RASA1: variants seen among roughly 807,000 people sequenced by gnomAD.
The protein encoded by RASA1 is ras GTPase-activating protein 1.
RASA1 carries 25 observed loss-of-function variants against 132.2 expected under a neutral mutation model. The ratio of observed to expected loss-of-function variants is 0.19; its 90% confidence interval spans 0.14 to 0.26. The LOEUF is 0.26. Among genes scored for constraint, RASA1 ranks in the 10% least tolerant of loss-of-function variants. The pLI is 1.00. For missense variants in RASA1, 964 were observed against 1,299.2 expected, an observed-to-expected ratio of 0.74 and a Z score of 3.97; for synonymous variants, 477 against 449.9, an observed-to-expected ratio of 1.06 and a Z score of -0.76.
chr5:87,329,459 A>G (rs2112360439), intron 1 of RASA1, among the ~76,000 whole-genome samples: 1 of 152,246 alleles, frequency 6.6e-6, no homozygotes, highest in Non-Finnish European at 1.5e-5. Context: ...AAACAAAACA[A>G]AAACAACTAA....
At chr5:87,308,646 A>G (rs1044631953) in intron 1 of RASA1, among the ~76,000 whole-genome samples, 1 of 152,232 alleles carries the variant, frequency 6.6e-6, no homozygotes, top group East Asian at 1.9e-4. Flanking sequence ...TGTATAACAC[A>G]TAAGTATACG....
At chr5:87,321,995 G>A (rs1756852208) in intron 1 of RASA1, among the ~76,000 whole-genome samples, 1 of 152,110 alleles carries the variant, frequency 6.6e-6, no homozygotes, top group Admixed American at 6.6e-5. Context: ...CTATAACAAG[G>A]GTGATATAGC....
In RASA1 at chr5:87,277,733, G is replaced by A. The variant is rs184567801; in HGVS notation, c.539+8743G>A. On this transcript the variant is annotated intron_variant, in intron 1 of 24. Coordinates refer to ENST00000274376, the MANE Select transcript of RASA1 (RefSeq NM_002890.3). ...TTATTTTGGAACAGATTAAATGCAT[G>A]TCTGCTGCTTGAGAAATAAGGTCCT... Among the ~76,000 whole-genome samples the A allele has an allele frequency of 2.0e-5, 3 of 152,168 alleles. No homozygotes were observed. In the East Asian group the frequency reaches 5.8e-4, roughly 29 times the overall value.
chr5:87,362,754 A>G (rs1760211631), intron 10 of RASA1, 83 bp downstream of exon 10: 28 of 1,486,162 alleles, frequency 1.9e-5, no homozygotes, highest in Non-Finnish European at 2.4e-5. Context: ...TATATATTTA[A>G]TAAGTTTTGA....
At chr5:87,329,729 T>C (rs1392195047) in intron 1 of RASA1, among the ~76,000 whole-genome samples, 2 of 152,206 alleles carry the variant, frequency 1.3e-5, no homozygotes, top group African/African-American at 4.8e-5. Flanking sequence ...AAATCTGCTC[T>C]CTGGGATAGT....
Position 87,267,958 on chromosome 5 carries a change from C to T in RASA1, c.-494C>T, listed in dbSNP as rs199648902. The T allele has an allele frequency of 1.3e-3, 527 of 398,890 alleles. 3 individuals carry two copies. The highest frequency in any genetic ancestry group is 9.4e-3 in the African/African-American group (456 of 48,506). The allele number at this position is 398,890 out of a possible 1,614,324, so 24.7% of individuals were successfully genotyped here. On this transcript the variant is annotated 5_prime_UTR_variant, in exon 1 of 25. Coordinates refer to ENST00000274376, the MANE Select transcript of RASA1 (RefSeq NM_002890.3). ...CCCGCCCCCCTTTCTCTTGCCCCCC[C>T]ACCCCTCTCATCTGCCTGGTGGAGG...
intron 1 of RASA1, among the ~76,000 whole-genome samples, chr5:87,305,074 T>C (rs1015945773): frequency 6.6e-6 from 1 of 152,122 alleles, no homozygotes; most frequent in Non-Finnish European, 1.5e-5. Flanking sequence ...GTTACTTTCT[T>C]TCAGAAATTT....
intron 5 of RASA1, among the ~76,000 whole-genome samples, chr5:87,340,001 T>G (rs1758320903): frequency 6.6e-6 from 1 of 152,190 alleles, no homozygotes; most frequent in African/African-American, 2.4e-5. Flanking sequence ...CTTTCATGTA[T>G]TAACTCTAGA....
chr5:87,312,180 T>C (rs1393839586), intron 1 of RASA1, among the ~76,000 whole-genome samples: 1 of 152,236 alleles, frequency 6.6e-6, no homozygotes, highest in Non-Finnish European at 1.5e-5. Context: ...TTATTATACA[T>C]GTGGTCAGAT....
chr5:87,362,749 A>G, intron 10 of RASA1, 78 bp downstream of exon 10: 1 of 1,491,996 alleles, frequency 6.7e-7, no homozygotes, highest in Non-Finnish European at 9.3e-7. Context: ...TGTGATATAT[A>G]TTTAATAAGT....
chr5:87,349,441 A>T, intron 8 of RASA1, 77 bp downstream of exon 8: 1 of 1,488,140 alleles, frequency 6.7e-7, no homozygotes, highest in Non-Finnish European at 9.2e-7. Context: ...ATTCAGAGTC[A>T]AAATTATATA....
At chr5:87,380,717 G>A in intron 20 of RASA1, 122 bp downstream of exon 20, 1 of 937,462 alleles carries the variant, frequency 1.1e-6, no homozygotes, top group Non-Finnish European at 1.7e-6. Context: ...AAGCCCTGTT[G>A]CATATTTTCT....
At chr5:87,298,661 C>T (rs1755225917) in intron 1 of RASA1, among the ~76,000 whole-genome samples, 1 of 151,850 alleles carries the variant, frequency 6.6e-6, no homozygotes, top group Non-Finnish European at 1.5e-5. Flanking sequence ...AAATATTTAG[C>T]TATTTTATAA....
chr5:87,333,878 T>C (rs1757769199), intron 4 of RASA1, among the ~76,000 whole-genome samples: 1 of 152,204 alleles, frequency 6.6e-6, no homozygotes, highest in African/African-American at 2.4e-5. Context: ...CTGACACATT[T>C]TTATTTGTAA....
intron 14 of RASA1, 101 bp downstream of exon 14, chr5:87,374,421 C>T: frequency 1.1e-6 from 1 of 879,482 alleles, no homozygotes; most frequent in East Asian, 3.4e-5. Flanking sequence ...AACAAGGTAC[C>T]ATATCCAGGT....
At chr5:87,325,813 A>G (rs1365620150) in intron 1 of RASA1, among the ~76,000 whole-genome samples, 1 of 152,236 alleles carries the variant, frequency 6.6e-6, no homozygotes, top group Admixed American at 6.5e-5. Flanking sequence ...AAATAATTGT[A>G]TAGTTTCAAT....
intron 11 of RASA1, among the ~76,000 whole-genome samples, chr5:87,365,812 GTTAAGT>G (rs1160917791): frequency 6.6e-6 from 1 of 151,988 alleles, no homozygotes; most frequent in Non-Finnish European, 1.5e-5. Context: ...GGAAATGCTA[GTTAAGT>G]TTATGACTGA....
intron 12 of RASA1, 72 bp from the exon 13 acceptor site, chr5:87,372,046 A>AG: frequency 7.0e-7 from 1 of 1,438,250 alleles, no homozygotes; most frequent in Non-Finnish European, 9.6e-7. Flanking sequence ...TTTGAAAAAA[A>AG]AAACCTAACT....
In RASA1 at chr5:87,383,725, T is replaced by C; in HGVS notation, c.2703T>C (p.Phe901=). ...MRTRVVSGFV[F]LRLICPAILN... ...CCCTCCCATTCAGTGGTTTTGTTTT[T>C]CTTCGACTCATCTGTCCTGCCATCC... The change falls in exon 21 of 25, where the codon TTT becomes TTC. Residue 901 remains phenylalanine (F), a synonymous_variant. Coordinates refer to ENST00000274376, the MANE Select transcript of RASA1 (RefSeq NM_002890.3). 6.2e-7 allele frequency: 1 copy of C among 1,610,990 alleles called. No individual in the cohort carries two copies. The highest frequency in any genetic ancestry group is 8.5e-7 in the Non-Finnish European group (1 of 1,178,860).
Sources: allele counts gnomAD v4.1 joint callset (sites outside exome capture counted in the v4.1 genomes callset), GRCh38; gene constraint gnomAD v4.1.1; transcripts MANE v1.5; gene names NCBI Gene and HGNC (gene_info 2026-07-23, HGNC 2026-07-21).